Variants in RFX1 observed in about 807,000 individuals in gnomAD.
The protein encoded by RFX1 is MHC class II regulatory factor RFX1.
Under a neutral mutation model 119.6 loss-of-function variants are expected in RFX1, and 42 were observed. The observed-to-expected ratio is 0.35, with a 90% CI of 0.27 to 0.45. The LOEUF is 0.45. Among genes scored for constraint, RFX1 ranks in the 20% least tolerant of loss-of-function variants. The pLI is 1.00. For synonymous variants in RFX1, 628 were observed against 618.5 expected (o/e 1.02, Z -0.23); for missense variants, 1,118 against 1,368.1 (o/e 0.82, Z 2.88).
At chr19:13,994,717 A>G (rs1974928618) in intron 1 of RFX1, among the ~76,000 whole-genome samples, 1 of 108,316 alleles carries the variant, frequency 9.2e-6, no homozygotes, top group Admixed American at 1.1e-4. Context: ...GTCTAAATAT[A>G]TATGTGTGTG....
rs1222958305 is a variant in RFX1, at chr19:13,993,515, C to T, written c.319+10G>A. ...GAGGAGTTTTCAGGACACACGAGCGCGGCACTTACCAGAGACAGTGACCAC... is the reference window on the plus strand; with the variant it reads ...GAGGAGTTTTCAGGACACACGAGCGTGGCACTTACCAGAGACAGTGACCAC... On this transcript the variant is annotated intron_variant, in intron 2 of 20. Transcript: ENST00000254325. The T allele has an allele frequency of 1.1e-5, 18 of 1,607,788 alleles. No homozygotes were observed. Among genetic ancestry groups the T allele is most frequent in the East Asian group, 2.2e-5 (1 of 44,812 alleles).
At position 13,985,918 on chromosome 19, in the gene RFX1, C is replaced by T. The variant is rs547084215; in HGVS notation, c.320-2323G>A. ...TGGGAGGTGTTGGGGGAGGCCTCCGCGTAGCCGCATGTGGGCTGTGGGGCA... is the reference window on the plus strand; with the variant it reads ...TGGGAGGTGTTGGGGGAGGCCTCCGTGTAGCCGCATGTGGGCTGTGGGGCA... On this transcript the variant is annotated intron_variant, in intron 2 of 20. Transcript: ENST00000254325. The surrounding 1 kb of genome is among the most constrained non-coding windows in gnomAD (Gnocchi z 4.3). Among the ~76,000 whole-genome samples, 131 of 152,176 alleles carry T rather than the reference C, an allele frequency of 8.6e-4. No individual in the cohort carries two copies. The highest frequency in any genetic ancestry group is 3.0e-3 in the African/African-American group (123 of 41,550).
At chr19:14,000,234 C>T (rs1975169457) in intron 1 of RFX1, among the ~76,000 whole-genome samples, 1 of 152,064 alleles carries the variant, frequency 6.6e-6, no homozygotes, top group African/African-American at 2.4e-5. Flanking sequence ...GCCTGTGATC[C>T]CAGCACTTTG....
chr19:13,980,620 G>T lies in RFX1; in HGVS notation c.691C>A (p.Gln231Lys). The T allele has an allele frequency of 6.3e-7, 1 of 1,583,786 alleles. No individual in the cohort carries two copies. The highest frequency in any genetic ancestry group is 8.5e-7 in the Non-Finnish European group (1 of 1,171,624). Residue 231 changes from glutamine to lysine, a missense_variant, in exon 6 of 21, where the codon CAG becomes AAG. Coordinates refer to ENST00000254325, the MANE Select transcript of RFX1 (RefSeq NM_002918.5). The surrounding 1 kb of genome is among the most constrained non-coding windows in gnomAD (Gnocchi z 5.1). Reference protein sequence around the residue: ...AGAPTGTVPQQLQVHGVQQSV... With the variant: ...AGAPTGTVPQKLQVHGVQQSV... ...TGCTGGACGCCGTGGACCTGCAGCT[G>T]CTGTGGCACTGTGCCCGTGGGGGCC...
chr19:13,991,854 G>T (rs1974815296), intron 2 of RFX1, among the ~76,000 whole-genome samples: 1 of 151,970 alleles, frequency 6.6e-6, no homozygotes, highest in Admixed American at 6.6e-5. Flanking sequence ...TATAGATGGG[G>T]TCTCACCATG....
chr19:13,988,610 G>C (rs777300517), intron 2 of RFX1, among the ~76,000 whole-genome samples: 2 of 152,218 alleles, frequency 1.3e-5, no homozygotes, highest in Non-Finnish European at 2.9e-5. Context: ...CCTCTAGGCT[G>C]TTCTGGGTCA....
At chr19:13,994,846 T>A (rs1203680685) in intron 1 of RFX1, among the ~76,000 whole-genome samples, 2 of 143,106 alleles carry the variant, frequency 1.4e-5, no homozygotes, top group East Asian at 4.0e-4. Flanking sequence ...TGTATACATA[T>A]ATGTACACAT....
At position 13,994,939 on chromosome 19, in the gene RFX1, A is replaced by G. The variant is rs867618751; in HGVS notation, c.-52-1044T>C. 1.4e-4 allele frequency among the ~76,000 whole-genome samples: 9 copies of G among 64,930 alleles called. No individual in the cohort carries two copies. The South Asian group carries it at 2.0e-3, about 15-fold the overall frequency. The allele number at this position is 64,930 out of a possible 152,430, so 42.6% of individuals were successfully genotyped here. A position where few individuals can be genotyped will look rare whatever the true frequency, so the allele number is the denominator to read the frequency against. On this transcript the variant is annotated intron_variant, in intron 1 of 20. Transcript: ENST00000254325. ...ATATATATATATATATATATATATA[A>G]TCATTTTTTTCAGAGATGGGAGTCT...
At chr19:13,983,726 C>T in intron 2 of RFX1, 131 bp from the exon 3 acceptor site, 2 of 738,042 alleles carry the variant, frequency 2.7e-6, no homozygotes, top group South Asian at 3.5e-5. Flanking sequence ...AAGAGTCCTG[C>T]TTCCCCCTGG....
intron 2 of RFX1, among the ~76,000 whole-genome samples, chr19:13,987,084 C>T (rs1255213934): frequency 1.3e-5 from 2 of 152,198 alleles, no homozygotes; most frequent in East Asian, 1.9e-4. Flanking sequence ...TCTTCTTGGC[C>T]CCCCTAGAAC....
chr19:13,990,015 G>T lies in RFX1; in HGVS notation c.319+3510C>A, dbSNP rs1472900983. ...GAAAAATGCAGAATTCAATGTGGCT[G>T]CACTGGCCTGCATCAAATTCAACAC... On this transcript the variant is annotated intron_variant, in intron 2 of 20. Transcript: ENST00000254325. This position sits in a 1 kb window ranked among gnomAD's most constrained non-coding sequence, Gnocchi z 4.1. Among the ~76,000 whole-genome samples the T allele has an allele frequency of 6.6e-6, 1 of 152,168 alleles. No individual in the cohort carries two copies.
At chr19:13,987,068 C>T (rs1974622348) in intron 2 of RFX1, among the ~76,000 whole-genome samples, 1 of 152,218 alleles carries the variant, frequency 6.6e-6, no homozygotes, top group African/African-American at 2.4e-5. Context: ...TCTGTCTGGA[C>T]ACAAGTCTTC....
chr19:14,000,360 G>A (rs1975174998), intron 1 of RFX1, among the ~76,000 whole-genome samples: 1 of 152,066 alleles, frequency 6.6e-6, no homozygotes, highest in African/African-American at 2.4e-5. Context: ...GTGGTGTGTG[G>A]CTGTAATCCC....
In RFX1 at chr19:13,990,627, C is replaced by T. The variant is rs1012427753; in HGVS notation, c.319+2898G>A. On this transcript the variant is annotated intron_variant, in intron 2 of 20. Coordinates refer to ENST00000254325, the MANE Select transcript of RFX1 (RefSeq NM_002918.5). The surrounding 1 kb of genome is among the most constrained non-coding windows in gnomAD (Gnocchi z 4.1). Reference sequence around the variant, plus strand: ...GGTCAGGAGATCAAGACCATCCTGGCTAACACAGTGAAACCCCGTCTCTAC... The same window carrying T: ...GGTCAGGAGATCAAGACCATCCTGGTTAACACAGTGAAACCCCGTCTCTAC... Among the ~76,000 whole-genome samples, 1 of 151,980 alleles carries T rather than the reference C, an allele frequency of 6.6e-6. No homozygotes were observed. Among genetic ancestry groups the T allele is most frequent in the African/African-American group, 2.4e-5 (1 of 41,376 alleles).
chr19:13,978,304 C>A (rs555400660), intron 7 of RFX1, among the ~76,000 whole-genome samples: 1 of 152,308 alleles, frequency 6.6e-6, no homozygotes, highest in South Asian at 2.1e-4. Flanking sequence ...TCGGCTGGGG[C>A]CAGCAAGGGT....
At chr19:13,963,830 C>T (rs774716092) in intron 17 of RFX1, 28 bp downstream of exon 17, 10 of 1,481,572 alleles carry the variant, frequency 6.7e-6, no homozygotes, top group Non-Finnish European at 8.1e-6. Flanking sequence ...GCCCCTCATT[C>T]GCCCGCCCCG....
chr19:13,996,658 C>T (rs10413836), intron 1 of RFX1, among the ~76,000 whole-genome samples: 2,004 of 151,998 alleles, frequency 0.013, 45 homozygotes, highest in African/African-American at 0.046. Context: ...CTCTCTGACC[C>T]CCAGATACAT....
chr19:14,004,902 C>A (rs1160073027), intron 1 of RFX1, among the ~76,000 whole-genome samples: 1 of 152,174 alleles, frequency 6.6e-6, no homozygotes, highest in Non-Finnish European at 1.5e-5. Context: ...GGCAAAGATT[C>A]TCCTCTCACA....
At position 13,962,975 on chromosome 19, in the gene RFX1, G is replaced by A. The variant is rs2145522719; in HGVS notation, c.2770+19C>T. The A allele has an allele frequency of 1.3e-6, 2 of 1,549,940 alleles. No individual in the cohort carries two copies. The highest frequency in any genetic ancestry group is 1.4e-5 in the African/African-American group (1 of 73,140). ...CACCCCCGGGACCCGCGCCCTGGGT[G>A]GGAACACGCCTCGCCTACCTTTGTC... On this transcript the variant is annotated intron_variant, in intron 20 of 20. Coordinates refer to ENST00000254325, the MANE Select transcript of RFX1 (RefSeq NM_002918.5).
Sources: gnomAD v4.1 joint callset for allele counts (sites outside exome capture counted in the v4.1 genomes callset) on GRCh38, gnomAD v4.1.1 for gene constraint, Gnocchi (gnomAD v3.1) non-coding constraint, MANE v1.5 for transcripts, NCBI Gene and HGNC (gene_info 2026-07-23, HGNC 2026-07-21) for gene names.